MAPK11: variants seen among roughly 807,000 people sequenced by gnomAD.
MAPK11 encodes the protein MAP kinase 11.
Under a neutral mutation model 52.2 loss-of-function variants are expected in MAPK11, and 44 were observed. The observed-to-expected ratio is 0.84, with a 90% confidence interval of 0.66 to 1.08. The LOEUF is 1.08. Among genes scored for constraint, MAPK11 ranks in the 50% least tolerant of loss-of-function variants. The probability of loss-of-function intolerance (pLI) is 0.00; values close to 1 mark genes in which losing one functional copy is unlikely to be tolerated. For synonymous variants in MAPK11, 233 were observed against 206.3 expected (o/e 1.13, Z -1.11); for missense variants, 436 against 494.7 (o/e 0.88, Z 1.13).
At chr22:50,267,083 C>A in intron 6 of MAPK11, 35 bp from the exon 7 acceptor site, 1 of 1,611,088 alleles carries the variant, frequency 6.2e-7, no homozygotes, top group Non-Finnish European at 8.5e-7. Context: ...AAGCTCCGCA[C>A]GGGCTCCGCC....
chr22:50,267,086 G>C (rs370223620), intron 6 of MAPK11, 38 bp from the exon 7 acceptor site: 6 of 1,611,294 alleles, frequency 3.7e-6, no homozygotes, highest in Non-Finnish European at 5.1e-6. Context: ...CTCCGCACGG[G>C]CTCCGCCGCC....
In MAPK11 at chr22:50,264,890, G is replaced by A. The variant is rs1406552105; in HGVS notation, c.*58C>T. The stretch of plus-strand genomic sequence containing the variant: ...GCCTCTCGAGGAAACCAGGCCAGCT[G>A]TGGAAGGGTGCAGGCCCAAGCCCCT... On this transcript the variant is annotated 3_prime_UTR_variant, in exon 12 of 12. Transcript: ENST00000330651. 7.1e-7 allele frequency: 1 copy of A among 1,416,330 alleles called. No individual in the cohort carries two copies. The highest frequency in any genetic ancestry group is 2.4e-5 in the East Asian group (1 of 42,516). The allele number at this position is 1,416,330 out of a possible 1,614,324, so 87.7% of individuals were successfully genotyped here. A position where few individuals can be genotyped will look rare whatever the true frequency, so the allele number is the denominator to read the frequency against.
rs1279556699 is a variant in MAPK11, at chr22:50,267,404, T to G, written c.384A>C (p.Gln128His). The G allele has an allele frequency of 1.3e-6, 2 of 1,592,032 alleles. No homozygotes were observed. The highest frequency in any genetic ancestry group is 2.7e-5 in the African/African-American group (2 of 73,386). Reference sequence around the variant, plus strand: ...CGCGCAGCAGCTGGTAAACCAGGAATTGAACGTGCTCGTCGCTCAGCGCCT... The same window carrying G: ...CGCGCAGCAGCTGGTAAACCAGGAAGTGAACGTGCTCGTCGCTCAGCGCCT... The part of the protein sequence containing the change: ...KCQALSDEHV[Q>H]FLVYQLLRGL... The change falls in exon 4 of 12, where the codon CAA (glutamine) becomes CAC (histidine). Residue 128 changes from glutamine (Q) to histidine (H), a missense_variant. By Grantham distance (24) the Gln-to-His change is conservative. Coordinates refer to ENST00000330651, the MANE Select transcript of MAPK11 (RefSeq NM_002751.7).
At position 50,265,600 on chromosome 22, in the gene MAPK11, G is replaced by A. The variant is rs754489536; in HGVS notation, c.823C>T (p.Arg275Cys). The change falls in exon 10 of 12, where the codon CGT becomes TGT. Residue 275 changes from arginine (R) to cysteine (C), a missense_variant. By Grantham distance (180) the Arg-to-Cys change is radical (BLOSUM62 -3). Coordinates refer to ENST00000330651, the MANE Select transcript of MAPK11 (RefSeq NM_002751.7). ...MPQKDLSSIF[R>C]GANPLAIDLL... is the part of the protein sequence containing the mutation. ...TCCTCACCCAGGGGGTTGGCTCCAC[G>A]GAAGATGCTGCTCAGGTCCTTCTGG... 21 of 1,611,252 alleles carry A rather than the reference G, an allele frequency of 1.3e-5. No homozygotes were observed. The highest frequency in any genetic ancestry group is 8.9e-5 in the East Asian group (4 of 44,888).
intron 7 of MAPK11, 152 bp downstream of exon 7, chr22:50,266,782 A>G: frequency 4.2e-6 from 4 of 955,294 alleles, no homozygotes; most frequent in Non-Finnish European, 6.5e-6. Context: ...GCCAGCACCC[A>G]TCATGCTCTA....
In MAPK11 at chr22:50,265,140, G is replaced by T. The variant is rs971586597; in HGVS notation, c.1016-113C>A. On this transcript the variant is annotated intron_variant, in intron 11 of 11. Transcript: ENST00000330651. Reference sequence around the variant, plus strand: ...CCACCACCCTGTGACAGCAGCCTCAGCACAGTCTGGGAGCCAGAACCTGCC... The same window carrying T: ...CCACCACCCTGTGACAGCAGCCTCATCACAGTCTGGGAGCCAGAACCTGCC... The T allele has an allele frequency of 3.8e-6, 4 of 1,051,786 alleles. No homozygotes were observed. In the African/African-American group the frequency reaches 6.8e-5, roughly 18 times the overall value. 65.2% of individuals were successfully genotyped at this position (1,051,786 alleles called of 1,614,324 possible). A position where few individuals can be genotyped will look rare whatever the true frequency, so the allele number is the denominator to read the frequency against.
chr22:50,265,827 C>T (rs1601652301), intron 9 of MAPK11, among the ~76,000 whole-genome samples, 167 bp from the exon 10 acceptor site: 1 of 152,238 alleles, frequency 6.6e-6, no homozygotes, highest in African/African-American at 2.4e-5. Context: ...GGTTCTAGCT[C>T]CTCAGTTGGC....
intron 11 of MAPK11, 130 bp from the exon 12 acceptor site, chr22:50,265,157 G>C: frequency 1.6e-6 from 2 of 1,240,082 alleles, no homozygotes; most frequent in African/African-American, 3.0e-5. Flanking sequence ...CTGGGAGCCA[G>C]AACCTGCCCT....
intron 9 of MAPK11, among the ~76,000 whole-genome samples, chr22:50,265,970 C>T (rs1215660565): frequency 4.1e-5 from 5 of 122,848 alleles, no homozygotes; most frequent in East Asian, 2.2e-4. Context: ...GCTTGCTGGG[C>T]CCCCAGCCCA....
rs1569148146 is a variant in MAPK11 at position 50,267,552 on chromosome 22, C to T, written c.305+17G>A. On this transcript the variant is annotated intron_variant, in intron 3 of 11. Transcript: ENST00000330651. ...CGCGAACGCGCTCCCCGCTGCCTCG[C>T]CCGCCCCGCCGCTCACACTTCGCTG... is the stretch of plus-strand genomic sequence containing the variant. The T allele has an allele frequency of 6.5e-7, 1 of 1,543,058 alleles. No homozygotes were observed. The highest frequency in any genetic ancestry group is 8.8e-7 in the Non-Finnish European group (1 of 1,142,484).
intron 11 of MAPK11, 102 bp from the exon 12 acceptor site, chr22:50,265,129 C>A (rs968673407): frequency 1.5e-4 from 175 of 1,174,712 alleles, no homozygotes; most frequent in Non-Finnish European, 1.9e-4. Context: ...CACCCTGTGA[C>A]AGCAGCCTCA....
At chr22:50,268,012 C>A (rs2147271562) in intron 1 of MAPK11, 63 bp from the exon 2 acceptor site, 3 of 1,442,398 alleles carry the variant, frequency 2.1e-6, no homozygotes, top group Non-Finnish European at 2.7e-6. Flanking sequence ...CGCGCGTGGA[C>A]CCGGGCGGCG....
rs1180966330 is a variant in MAPK11, at chr22:50,266,818, A to T, written c.610+116T>A. 8 of 1,090,758 alleles carry T rather than the reference A, an allele frequency of 7.3e-6. No individual in the cohort carries two copies. In the Admixed American group the frequency reaches 1.6e-4, roughly 21 times the overall value. 67.6% of individuals were successfully genotyped at this position (1,090,758 alleles called of 1,614,324 possible). On this transcript the variant is annotated intron_variant, in intron 7 of 11. Coordinates refer to ENST00000330651, the MANE Select transcript of MAPK11 (RefSeq NM_002751.7). Reference sequence around the variant, plus strand: ...GCGGCCTCTGAAGGGCTACTTTTGAATGTGGGTCCCACATTCTTGGGGACC... The same window carrying T: ...GCGGCCTCTGAAGGGCTACTTTTGATTGTGGGTCCCACATTCTTGGGGACC...
rs1287113194 is a variant in MAPK11 at position 50,267,380 on chromosome 22, G to C, written c.408C>G (p.Arg136=). 7.2e-7 allele frequency: 1 copy of C among 1,397,012 alleles called. No individual in the cohort carries two copies. The highest frequency in any genetic ancestry group is 4.0e-5 in the East Asian group (1 of 25,080). 86.5% of individuals were successfully genotyped at this position (1,397,012 alleles called of 1,614,324 possible). The change falls in exon 4 of 12, where the codon CGC becomes CGG. Residue 136 remains arginine (R), a synonymous_variant. Coordinates refer to ENST00000330651, the MANE Select transcript of MAPK11 (RefSeq NM_002751.7). ...HVQFLVYQLL[R]GLKYIHSAGI... ...GCCCAGGGCGCCCCACCTTCAGCCC[G>C]CGCAGCAGCTGGTAAACCAGGAATT... is the stretch of plus-strand genomic sequence containing the variant.
intron 1 of MAPK11, among the ~76,000 whole-genome samples, chr22:50,269,403 C>A (rs1453633800): frequency 1.3e-5 from 2 of 152,298 alleles, no homozygotes; most frequent in Non-Finnish European, 2.9e-5. Flanking sequence ...CCCACCAGGA[C>A]CCCCCAGTGG....
At position 50,264,667 on chromosome 22, in the gene MAPK11, C is replaced by A; in HGVS notation, c.*281G>T. The A allele has an allele frequency of 2.8e-6, 1 of 352,128 alleles. No individual in the cohort carries two copies. The highest frequency in any genetic ancestry group is 2.1e-5 in the African/African-American group (1 of 48,326). 21.8% of individuals were successfully genotyped at this position (352,128 alleles called of 1,614,324 possible). The stretch of plus-strand genomic sequence containing the variant: ...AACCCCTTTGGCATCTAGGACCCCA[C>A]AGTCAGGTCCCAGTGGAGAGTGCAG... On this transcript the variant is annotated 3_prime_UTR_variant, in exon 12 of 12. Coordinates refer to ENST00000330651, the MANE Select transcript of MAPK11 (RefSeq NM_002751.7).
Position 50,270,325 on chromosome 22 carries a change from G to T in MAPK11, c.-33C>A. ...GCAGCCGCCGCTCCGCCCGGGCCCA[G>T]CCCCGCGCCCCGCGCCCGCGCCCGA... On this transcript the variant is annotated 5_prime_UTR_variant, in exon 1 of 12. In the 5' UTR this introduces an upstream ATG that the reference lacks. Coordinates refer to ENST00000330651, the MANE Select transcript of MAPK11 (RefSeq NM_002751.7). This position sits in a 1 kb window ranked among gnomAD's most constrained non-coding sequence, Gnocchi z 6.3. 1 of 902,644 alleles carries T rather than the reference G, an allele frequency of 1.1e-6. No individual in the cohort carries two copies. The highest frequency in any genetic ancestry group is 1.4e-6 in the Non-Finnish European group (1 of 719,082). The allele number at this position is 902,644 out of a possible 1,614,324, so 55.9% of individuals were successfully genotyped here.
intron 2 of MAPK11, 32 bp downstream of exon 2, chr22:50,267,788 C>CG: frequency 6.7e-7 from 1 of 1,493,400 alleles, no homozygotes; most frequent in Non-Finnish European, 8.9e-7. Flanking sequence ...CCCCCGCACG[C>CG]GCCCTCCCCC....
chr22:50,267,738 C>T (rs2065277089), intron 2 of MAPK11, 82 bp downstream of exon 2: 2 of 1,350,988 alleles, frequency 1.5e-6, no homozygotes, highest in Non-Finnish European at 2.0e-6. Flanking sequence ...CCGCCCCCAT[C>T]GCCAGGGCTC....
Sources: gnomAD v4.1 joint callset for allele counts (sites outside exome capture counted in the v4.1 genomes callset) on GRCh38, gnomAD v4.1.1 for gene constraint, Gnocchi (gnomAD v3.1) non-coding constraint, MANE v1.5 for transcripts, NCBI Gene and HGNC (gene_info 2026-07-23, HGNC 2026-07-21) for gene names.